ARHGAP15: variants seen among roughly 807,000 people sequenced by gnomAD.
ARHGAP15 encodes rho GTPase-activating protein 15.
Under a neutral mutation model 63.7 loss-of-function variants are expected in ARHGAP15, and 51 were observed. That is an observed-to-expected ratio of 0.80 (90% CI 0.64 to 1.01). The LOEUF is 1.01. Ranked by LOEUF, ARHGAP15 falls within the 50% of genes least tolerant of loss-of-function variation. ARHGAP15 has a pLI of 0.00. For synonymous variants in ARHGAP15, 191 were observed against 193.8 expected (o/e 0.99, Z 0.12); for missense variants, 560 against 564.6 (o/e 0.99, Z 0.08).
chr2:143,416,178 C>A (rs1688670129), intron 6 of ARHGAP15, among the ~76,000 whole-genome samples: 1 of 149,930 alleles, frequency 6.7e-6, no homozygotes, highest in African/African-American at 2.4e-5. Context: ...TTGCAGCAAA[C>A]CACCGTGACA....
At chr2:143,132,140 G>C (rs540131423) in intron 1 of ARHGAP15, among the ~76,000 whole-genome samples, 1 of 152,072 alleles carries the variant, frequency 6.6e-6, no homozygotes, top group South Asian at 2.1e-4. Flanking sequence ...GATACTAAAA[G>C]CATATTTTTT....
intron 6 of ARHGAP15, among the ~76,000 whole-genome samples, chr2:143,331,299 C>T (rs76890523): frequency 0.024 from 3,628 of 152,168 alleles, 101 homozygotes; most frequent in Middle Eastern, 0.034. Context: ...GCTCCGATCG[C>T]TCTTCTTCCC....
chr2:143,567,042 A>T (rs1312949221), intron 11 of ARHGAP15, among the ~76,000 whole-genome samples: 1 of 151,762 alleles, frequency 6.6e-6, no homozygotes, highest in Admixed American at 6.6e-5. Context: ...CGCCTGGCTA[A>T]TTTTTTGTAT....
intron 1 of ARHGAP15, among the ~76,000 whole-genome samples, chr2:143,145,464 G>A (rs1689543953): frequency 6.6e-6 from 1 of 151,944 alleles, no homozygotes; most frequent in Non-Finnish European, 1.5e-5. Context: ...CTCCTTTGTG[G>A]ATAATTGAGC....
intron 6 of ARHGAP15, among the ~76,000 whole-genome samples, chr2:143,258,109 C>T (rs1194036194): frequency 1.3e-5 from 2 of 152,030 alleles, no homozygotes; most frequent in Admixed American, 6.6e-5. Flanking sequence ...CATTTTACAG[C>T]TTGTCCATAA....
chr2:143,435,561 T>C lies in ARHGAP15; in HGVS notation c.475-40T>C, dbSNP rs781053821. The C allele has an allele frequency of 7.2e-6, 11 of 1,521,810 alleles. No individual in the cohort carries two copies. The South Asian group carries it at 1.4e-4, about 19-fold the overall frequency. 94.3% of individuals were successfully genotyped at this position (1,521,810 alleles called of 1,614,324 possible). ...TAAGAGATCTATCTTACATAGTTTC[T>C]TTACCTGTCTATTTCTTTTTCTTTT... On this transcript the variant is annotated intron_variant, in intron 6 of 13. Transcript: ENST00000295095.
At chr2:143,428,869 C>T (rs999324746) in intron 6 of ARHGAP15, among the ~76,000 whole-genome samples, 3 of 152,062 alleles carry the variant, frequency 2.0e-5, no homozygotes, top group African/African-American at 7.2e-5. Context: ...TAATTGAACA[C>T]AGTGAATATA....
chr2:143,205,005 G>T (rs1182427810), intron 3 of ARHGAP15, among the ~76,000 whole-genome samples: 2 of 151,992 alleles, frequency 1.3e-5, no homozygotes, highest in Non-Finnish European at 2.9e-5. Flanking sequence ...GCTCATGCCT[G>T]TAATCTCAGC....
rs1056431113 is a variant in ARHGAP15, at chr2:143,407,465, T to A, written c.475-28136T>A. ...TCATCTATGTAGTGGTTTAGAAATA[T>A]CATTCACTGAATGAATCAAGATTCT... On this transcript the variant is annotated intron_variant, in intron 6 of 13. Coordinates refer to ENST00000295095, the MANE Select transcript of ARHGAP15 (RefSeq NM_018460.4). Among the ~76,000 whole-genome samples the A allele has an allele frequency of 2.0e-5, 3 of 151,898 alleles. No homozygotes were observed. In the East Asian group the frequency reaches 5.8e-4, roughly 29 times the overall value.
At chr2:143,247,633 A>G in intron 5 of ARHGAP15, among the ~76,000 whole-genome samples, 1 of 152,230 alleles carries the variant, frequency 6.6e-6, no homozygotes, top group East Asian at 1.9e-4. Flanking sequence ...GTAATTATAC[A>G]GAAATCTAAA....
intron 6 of ARHGAP15, among the ~76,000 whole-genome samples, chr2:143,394,175 C>CACTT (rs1235133000): frequency 2.1e-4 from 32 of 152,188 alleles, no homozygotes; most frequent in African/African-American, 4.3e-4. Context: ...GTGCGACACA[C>CACTT]ACTTAACTTC....
At chr2:143,610,634 A>G (rs974626641) in intron 11 of ARHGAP15, among the ~76,000 whole-genome samples, 2 of 152,144 alleles carry the variant, frequency 1.3e-5, no homozygotes, top group African/African-American at 2.4e-5. Context: ...CGGCATTGTA[A>G]TTGTTATTAA....
intron 13 of ARHGAP15, among the ~76,000 whole-genome samples, chr2:143,755,363 T>G (rs1197591001): frequency 6.6e-6 from 1 of 152,170 alleles, no homozygotes; most frequent in Non-Finnish European, 1.5e-5. Flanking sequence ...TTGTCTGCAT[T>G]TTCTAAATTT....
Position 143,205,676 on chromosome 2 carries a change from A to T in ARHGAP15, c.234+3474A>T, listed in dbSNP as rs143968046. The stretch of plus-strand genomic sequence containing the variant: ...ACAGAAATGAAATCCCTCAAGTTGA[A>T]CCCTTCATCAGTGCCTTCTCAAACT... On this transcript the variant is annotated intron_variant, in intron 3 of 13. Coordinates refer to ENST00000295095, the MANE Select transcript of ARHGAP15 (RefSeq NM_018460.4). Among the ~76,000 whole-genome samples, 191 of 152,020 alleles carry T rather than the reference A, an allele frequency of 1.3e-3. 2 individuals are homozygous for T. The highest frequency in any genetic ancestry group is 9.8e-3 in the Admixed American group (149 of 15,212).
At chr2:143,610,656 T>C (rs1698214213) in intron 11 of ARHGAP15, among the ~76,000 whole-genome samples, 1 of 152,186 alleles carries the variant, frequency 6.6e-6, no homozygotes, top group Non-Finnish European at 1.5e-5. Context: ...TAGCTACACA[T>C]CAAAGAGCTT....
At chr2:143,178,518 G>A (rs986736138) in intron 2 of ARHGAP15, among the ~76,000 whole-genome samples, 2 of 152,154 alleles carry the variant, frequency 1.3e-5, no homozygotes, top group Admixed American at 6.5e-5. Context: ...AAGAATTCAC[G>A]CTAAATAAAA....
At chr2:143,504,951 C>T (rs1405712727) in intron 9 of ARHGAP15, among the ~76,000 whole-genome samples, 1 of 152,192 alleles carries the variant, frequency 6.6e-6, no homozygotes, top group Admixed American at 6.5e-5. Flanking sequence ...CTGTTCTCCT[C>T]CCCACCCTGC....
At chr2:143,419,041 T>C (rs1688799573) in intron 6 of ARHGAP15, among the ~76,000 whole-genome samples, 1 of 151,928 alleles carries the variant, frequency 6.6e-6, no homozygotes, top group South Asian at 2.1e-4. Flanking sequence ...TTGGGGAAAA[T>C]TTATGTGGTA....
At chr2:143,302,263 C>T (rs77765690) in intron 6 of ARHGAP15, among the ~76,000 whole-genome samples, 3,939 of 151,850 alleles carry the variant, frequency 0.026, 163 homozygotes, top group African/African-American at 0.091. Flanking sequence ...AAAATATCAC[C>T]CCCTCCACAA....
Sources: gnomAD v4.1 joint callset for allele counts (sites outside exome capture counted in the v4.1 genomes callset) on GRCh38, gnomAD v4.1.1 for gene constraint, MANE v1.5 for transcripts, NCBI Gene and HGNC (gene_info 2026-07-23, HGNC 2026-07-21) for gene names.